The following TMEFF2 variants were observed in gnomAD, a reference collection of about 807,000 sequenced individuals.
TMEFF2 encodes the protein tomoregulin-2.
In TMEFF2, 28 loss-of-function variants were observed where a neutral mutation model predicts 53.8. That is an observed-to-expected ratio of 0.52 (90% confidence interval 0.39 to 0.71). The LOEUF (loss-of-function observed/expected upper bound fraction) is 0.71, where lower values mean the gene tolerates loss of function less well. Ranked by LOEUF, TMEFF2 falls within the 30% of genes least tolerant of loss-of-function variation. TMEFF2 has a pLI of 0.00. For missense variants in TMEFF2, 353 were observed against 455.2 expected (o/e 0.78, Z 2.04); for synonymous variants, 162 against 166.3 (o/e 0.97, Z 0.20).
chr2:192,117,113 C>T (rs2105961743), intron 4 of TMEFF2, among the ~76,000 whole-genome samples: 1 of 152,150 alleles, frequency 6.6e-6, no homozygotes, highest in Admixed American at 6.5e-5. Flanking sequence ...AATGTGATTA[C>T]TGATAGATGG....
intron 7 of TMEFF2, among the ~76,000 whole-genome samples, chr2:191,968,905 T>G (rs1432182047): frequency 6.6e-6 from 1 of 152,026 alleles, no homozygotes; most frequent in Non-Finnish European, 1.5e-5. Context: ...TAAATTGAGT[T>G]TTTGGTAAAA....
intron 7 of TMEFF2, among the ~76,000 whole-genome samples, chr2:191,980,646 C>G (rs1447049973): frequency 6.6e-6 from 1 of 152,138 alleles, no homozygotes; most frequent in African/African-American, 2.4e-5. Context: ...CACTGCCACC[C>G]CCAGCGTCTG....
chr2:191,959,244 T>C (rs1305428475), intron 7 of TMEFF2, among the ~76,000 whole-genome samples: 1 of 152,164 alleles, frequency 6.6e-6, no homozygotes, highest in East Asian at 1.9e-4. Flanking sequence ...GTAGAAACTC[T>C]TCATGTCTGT....
At chr2:191,967,454 A>G (rs954617556) in intron 7 of TMEFF2, among the ~76,000 whole-genome samples, 8 of 152,170 alleles carry the variant, frequency 5.3e-5, no homozygotes, top group African/African-American at 1.9e-4. Context: ...TTTAAGGGCA[A>G]TGCTTCTTGT....
intron 4 of TMEFF2, among the ~76,000 whole-genome samples, chr2:192,101,686 A>C (rs1689034240): frequency 6.6e-6 from 1 of 152,186 alleles, no homozygotes; most frequent in Non-Finnish European, 1.5e-5. Context: ...ACATATGTTG[A>C]ATCACTAGAC....
At chr2:191,969,170 GA>G (rs1559066008) in intron 7 of TMEFF2, among the ~76,000 whole-genome samples, 12 of 150,698 alleles carry the variant, frequency 8.0e-5, no homozygotes, top group Middle Eastern at 3.4e-3. Flanking sequence ...TATATATAGA[GA>G]GAGAGAGCTA....
intron 5 of TMEFF2, among the ~76,000 whole-genome samples, chr2:192,037,274 AAAG>A (rs1390462915): frequency 0.023 from 642 of 27,396 alleles, 8 homozygotes; most frequent in African/African-American, 0.054. Flanking sequence ...TAGCCAAAAT[AAAG>A]AAAGAAAGAA....
chr2:191,951,415 CA>C lies in TMEFF2; in HGVS notation c.1029-1009del, dbSNP rs1691877168. Among the ~76,000 whole-genome samples the C allele has an allele frequency of 2.2e-5, 3 of 136,030 alleles. No homozygotes were observed. In the South Asian group the frequency reaches 7.5e-4, roughly 34 times the overall value. 89.2% of individuals were successfully genotyped at this position (136,030 alleles called of 152,430 possible). The stretch of plus-strand genomic sequence containing the variant: ...CAGGTGTTTGGCTAAAATAGTGATG[CA>C]AAAGAGAAAAGATTTTTTTAAAAAA... On this transcript the variant is annotated intron_variant, in intron 9 of 9. Transcript: ENST00000272771.
intron 7 of TMEFF2, among the ~76,000 whole-genome samples, chr2:191,987,243 G>A (rs1268097310): frequency 6.6e-6 from 1 of 152,076 alleles, no homozygotes; most frequent in Non-Finnish European, 1.5e-5. Context: ...AATGGGAGGT[G>A]GGAGGGAAAT....
At chr2:191,953,882 C>CCTTTTTTTTTTT (rs1559057998) in intron 8 of TMEFF2, 45 bp from the exon 9 acceptor site, 2 of 624,536 alleles carry the variant, frequency 3.2e-6, no homozygotes, top group Non-Finnish European at 4.6e-6. Context: ...GTGCTGCATT[C>CCTTTTTTTTTTT]ATTTTTTTTT....
At position 192,050,924 on chromosome 2, in the gene TMEFF2, G is replaced by T. The variant is rs147412646; in HGVS notation, c.536+6755C>A. ...CTTGAAATTCTGAGTGGAAAGATATGTGCTTCCCTAAGTCAGGAGCTGTAT... is the reference window on the plus strand; with the variant it reads ...CTTGAAATTCTGAGTGGAAAGATATTTGCTTCCCTAAGTCAGGAGCTGTAT... On this transcript the variant is annotated intron_variant, in intron 5 of 9. Coordinates refer to ENST00000272771, the MANE Select transcript of TMEFF2 (RefSeq NM_016192.4). Among the ~76,000 whole-genome samples, 515 of 152,284 alleles carry T rather than the reference G, an allele frequency of 3.4e-3. 3 individuals are homozygous for T. Among genetic ancestry groups the T allele is most frequent in the African/African-American group, 0.011 (477 of 41,554 alleles).
At chr2:192,190,951 A>G (rs1184298500) in intron 2 of TMEFF2, among the ~76,000 whole-genome samples, 1 of 152,118 alleles carries the variant, frequency 6.6e-6, no homozygotes, top group Non-Finnish European at 1.5e-5. Context: ...GTTTATGTGC[A>G]TATTTCCTGG....
chr2:192,069,440 T>G (rs1688236270), intron 4 of TMEFF2, among the ~76,000 whole-genome samples: 1 of 151,206 alleles, frequency 6.6e-6, no homozygotes. Context: ...TCCTCAAACA[T>G]TTAAGGACAG....
At chr2:191,989,097 T>G (rs1465721340) in intron 7 of TMEFF2, among the ~76,000 whole-genome samples, 1 of 152,178 alleles carries the variant, frequency 6.6e-6, no homozygotes, top group Non-Finnish European at 1.5e-5. Context: ...TTTGCAGGTT[T>G]CCCATTGCAG....
rs149574356 is a variant in TMEFF2, at chr2:192,192,042, C to CA, written c.173-54dup. 4,535 of 1,241,264 alleles carry CA rather than the reference C, an allele frequency of 3.7e-3. 90 individuals carry two copies. In the East Asian group the frequency reaches 0.049, roughly 13 times the overall value. The allele number at this position is 1,241,264 out of a possible 1,614,324, so 76.9% of individuals were successfully genotyped here. On this transcript the variant is annotated intron_variant, in intron 1 of 9. Transcript: ENST00000272771. ...ATTAAAACATCTTACAGATTTTTAA[C>CA]AAAAAAAAGCACTACTTTGAAGCTT...
At chr2:191,960,973 A>G (rs908013307) in intron 7 of TMEFF2, among the ~76,000 whole-genome samples, 1 of 152,190 alleles carries the variant, frequency 6.6e-6, no homozygotes, top group Non-Finnish European at 1.5e-5. Context: ...ATTTATTTCT[A>G]TTGCTAATAT....
In TMEFF2 at chr2:191,949,903, G is replaced by A. The variant is rs7586642; in HGVS notation, c.*408C>T. 1 allele frequency: 991,312 copies of A among 994,042 alleles called. 494,354 individuals are homozygous for A. Among genetic ancestry groups the A allele is most frequent in the East Asian group, 1 (9,224 of 9,224 alleles). The allele number at this position is 994,042 out of a possible 1,614,324, so 61.6% of individuals were successfully genotyped here. ...AAAACCTAGCCACTGAGTCCTGTAC[G>A]AACTAATGTGCTGTCTCAAGATGAG... On this transcript the variant is annotated 3_prime_UTR_variant, in exon 10 of 10. Transcript: ENST00000272771.
At position 192,189,371 on chromosome 2, in the gene TMEFF2, G is replaced by A. The variant is rs1261283295; in HGVS notation, c.282+2509C>T. 2.0e-5 allele frequency among the ~76,000 whole-genome samples: 3 copies of A among 151,322 alleles called. No homozygotes were observed. The South Asian group carries it at 6.3e-4, about 32-fold the overall frequency. ...CCAGCCTGGGTAACGTGGTGAAACC[G>A]TGTGTCTACTAAAATTCAAAAAAAT... is the stretch of plus-strand genomic sequence containing the variant. On this transcript the variant is annotated intron_variant, in intron 2 of 9. Coordinates refer to ENST00000272771, the MANE Select transcript of TMEFF2 (RefSeq NM_016192.4).
intron 5 of TMEFF2, among the ~76,000 whole-genome samples, chr2:192,028,260 C>A (rs1687023283): frequency 6.6e-6 from 1 of 152,118 alleles, no homozygotes; most frequent in Non-Finnish European, 1.5e-5. Flanking sequence ...GTCCATTAAA[C>A]CTCTTTCTTT....
Sources: gnomAD v4.1 joint callset for allele counts (sites outside exome capture counted in the v4.1 genomes callset) on GRCh38, gnomAD v4.1.1 for gene constraint, MANE v1.5 for transcripts, NCBI Gene and HGNC (gene_info 2026-07-23, HGNC 2026-07-21) for gene names.